The following SYT10 variants were observed in gnomAD, a reference collection of about 807,000 sequenced individuals.
The protein encoded by SYT10 is synaptotagmin 10, also known as synaptotagmin-10.
In SYT10, 31 loss-of-function variants were observed where a neutral mutation model predicts 51.1. The observed-to-expected ratio is 0.61, with a 90% confidence interval of 0.46 to 0.82. The LOEUF (loss-of-function observed/expected upper bound fraction) is 0.82. SYT10 is among the 40% of genes least tolerant of loss of function. The pLI is 0.00. For synonymous variants in SYT10, 233 were observed against 225.9 expected, an observed-to-expected ratio of 1.03 and a Z score of -0.28; for missense variants, 603 against 634.0, an observed-to-expected ratio of 0.95 and a Z score of 0.53.
Position 33,439,606 on chromosome 12 carries a change from T to G in SYT10, c.-84A>C. 2.2e-4 allele frequency: 314 copies of G among 1,395,744 alleles called. No individual in the cohort carries two copies. The highest frequency in any genetic ancestry group is 2.8e-4 in the Non-Finnish European group (281 of 1,018,770). 86.5% of individuals were successfully genotyped at this position (1,395,744 alleles called of 1,614,324 possible). On this transcript the variant is annotated 5_prime_UTR_variant, in exon 1 of 7. The change abolishes the stop of an existing upstream ORF in the 5' untranslated region. Transcript: ENST00000228567. ...CGTACCTCTAACCCCTCTGGCGCCC[T>G]AAGCCATAGTCCGCCCGCGGTGACT... is the stretch of plus-strand genomic sequence containing the variant.
rs372026587 is a variant in SYT10, at chr12:33,382,300, C to T, written c.1370+49G>A. The T allele has an allele frequency of 2.0e-5, 29 of 1,430,282 alleles. No individual in the cohort carries two copies. In the South Asian group the frequency reaches 2.8e-4, roughly 14 times the overall value. 88.6% of individuals were successfully genotyped at this position (1,430,282 alleles called of 1,614,324 possible). On this transcript the variant is annotated intron_variant, in intron 5 of 6. Transcript: ENST00000228567. ...GACCTGAAAAGCTGAGTTTGGCCTG[C>T]GCATGACTAGACATGGCTGCTCTTC...
At chr12:33,409,499 G>A (rs1866387317) in intron 2 of SYT10, among the ~76,000 whole-genome samples, 1 of 150,222 alleles carries the variant, frequency 6.7e-6, no homozygotes, top group Non-Finnish European at 1.5e-5. Context: ...TTACAGGCGT[G>A]AGAACATTGA....
chr12:33,376,792 T>A lies in SYT10; in HGVS notation c.*38A>T. On this transcript the variant is annotated 3_prime_UTR_variant, in exon 7 of 7. Coordinates refer to ENST00000228567, the MANE Select transcript of SYT10 (RefSeq NM_198992.4). ...TTTTTCTGATTCAATGAGCACGTGA[T>A]CCTAGATGCTTAATATCATGGTCTC... 6.2e-7 allele frequency: 1 copy of A among 1,611,426 alleles called. No individual in the cohort carries two copies. The highest frequency in any genetic ancestry group is 8.5e-7 in the Non-Finnish European group (1 of 1,177,622).
intron 1 of SYT10, among the ~76,000 whole-genome samples, chr12:33,428,096 T>C (rs1246170324): frequency 6.6e-6 from 1 of 152,112 alleles, no homozygotes; most frequent in Non-Finnish European, 1.5e-5. Flanking sequence ...GTTGCTGAAA[T>C]GGGAAAGAAA....
intron 2 of SYT10, among the ~76,000 whole-genome samples, chr12:33,424,521 A>G (rs1326612819): frequency 6.6e-6 from 1 of 152,108 alleles, no homozygotes. Context: ...CTTCGTGGCT[A>G]TAAGATATCA....
At chr12:33,377,066 C>CA (rs1479066905) in intron 6 of SYT10, among the ~76,000 whole-genome samples, 165 bp from the exon 7 acceptor site, 1 of 152,132 alleles carries the variant, frequency 6.6e-6, no homozygotes, top group Non-Finnish European at 1.5e-5. Flanking sequence ...TCTCTGCTAC[C>CA]ATGAAGGGAC....
At position 33,376,391 on chromosome 12, in the gene SYT10, T is replaced by C. The variant is rs2138376291; in HGVS notation, c.*439A>G. On this transcript the variant is annotated 3_prime_UTR_variant, in exon 7 of 7. Transcript: ENST00000228567. ...TGTTGTGTAAGTTAAGTTCAAAATC[T>C]CCTTTTAAGTTTATACAGAACCACC... 1 of 155,220 alleles carries C rather than the reference T, an allele frequency of 6.4e-6. No individual in the cohort carries two copies. The highest frequency in any genetic ancestry group is 1.4e-5 in the Non-Finnish European group (1 of 69,862). 9.6% of individuals were successfully genotyped at this position (155,220 alleles called of 1,614,324 possible).
At chr12:33,409,541 T>A (rs1427537131) in intron 2 of SYT10, among the ~76,000 whole-genome samples, 2 of 148,926 alleles carry the variant, frequency 1.3e-5, no homozygotes, top group Admixed American at 1.3e-4. Context: ...TGAGACGGAG[T>A]CTCACTCTGC....
intron 2 of SYT10, among the ~76,000 whole-genome samples, chr12:33,409,736 C>T (rs1257745176): frequency 2.6e-5 from 4 of 152,018 alleles, no homozygotes; most frequent in Non-Finnish European, 5.9e-5. Context: ...AGGATGGTCT[C>T]GATCTCCTGA....
rs1368564637 is a variant in SYT10, at chr12:33,439,469, G to A, written c.54C>T (p.His18=). 1.9e-6 allele frequency: 3 copies of A among 1,614,238 alleles called. No individual in the cohort carries two copies. Residue 18 remains histidine, a synonymous_variant, in exon 1 of 7, where the codon CAC becomes CAT. Transcript: ENST00000228567. ...GVNSLCQKAL[H]IVTELCFAGQ... is the part of the protein sequence containing the mutation. ...CGGCGAAGCACAGCTCGGTGACGAT[G>A]TGCAGAGCCTTCTGGCACAGACTGT... is the stretch of plus-strand genomic sequence containing the variant.
rs367918971 is a variant in SYT10, at chr12:33,439,449, A to C, written c.74T>G (p.Phe25Cys). ...KALHIVTELC[F>C]AGQVEWEKCS... ...CTTCTCCCACTCCACCTGGCCGGCGAAGCACAGCTCGGTGACGATGTGCAG... is the reference window on the plus strand; with the variant it reads ...CTTCTCCCACTCCACCTGGCCGGCGCAGCACAGCTCGGTGACGATGTGCAG... Residue 25 changes from phenylalanine to cysteine, a missense_variant, in exon 1 of 7, where the codon TTC becomes TGC. By Grantham distance (205) the Phe-to-Cys change is radical. Transcript: ENST00000228567. 65 of 1,614,128 alleles carry C rather than the reference A, an allele frequency of 4.0e-5. No homozygotes were observed. The African/African-American group carries it at 7.2e-4, about 18-fold the overall frequency.
At chr12:33,426,096 ACAC>A in intron 2 of SYT10, 39 bp downstream of exon 2, 1 of 1,503,870 alleles carries the variant, frequency 6.6e-7, no homozygotes, top group Non-Finnish European at 8.9e-7. Flanking sequence ...ACACACACAC[ACAC>A]GCACACACAC....
intron 4 of SYT10, among the ~76,000 whole-genome samples, chr12:33,383,848 G>T (rs923056117): frequency 2.0e-5 from 3 of 152,182 alleles, no homozygotes; most frequent in Non-Finnish European, 4.4e-5. Flanking sequence ...TAAATAAAAT[G>T]TAATCTTGCA....
At chr12:33,380,026 C>T (rs756894108) in intron 5 of SYT10, 65 bp from the exon 6 acceptor site, 12 of 1,501,420 alleles carry the variant, frequency 8.0e-6, no homozygotes, top group Admixed American at 2.0e-5. Flanking sequence ...TTTCACAAAT[C>T]GTAGTAGAAT....
rs191817174 is a variant in SYT10 at position 33,392,218 on chromosome 12, G to A, written c.1078-6927C>T. ...GCACACTAAAATTTCAGAATCAAAT[G>A]TATCCCTAAGGTCTGTAAATTGCTC... On this transcript the variant is annotated intron_variant, in intron 3 of 6. Transcript: ENST00000228567. 1.2e-3 allele frequency among the ~76,000 whole-genome samples: 189 copies of A among 152,232 alleles called. No individual in the cohort carries two copies. In the East Asian group the frequency reaches 0.017, roughly 14 times the overall value.
At chr12:33,426,534 G>A (rs1255984594) in intron 1 of SYT10, 39 bp from the exon 2 acceptor site, 2 of 1,431,386 alleles carry the variant, frequency 1.4e-6, no homozygotes, top group South Asian at 3.0e-5. Flanking sequence ...AATTAATATT[G>A]TACATAAAAA....
intron 4 of SYT10, 79 bp downstream of exon 4, chr12:33,385,092 T>G: frequency 6.6e-7 from 1 of 1,523,012 alleles, no homozygotes; most frequent in Non-Finnish European, 8.9e-7. Context: ...AATAATTCAG[T>G]AGTCATGTAT....
At chr12:33,417,221 G>C (rs1224138896) in intron 2 of SYT10, among the ~76,000 whole-genome samples, 1 of 152,030 alleles carries the variant, frequency 6.6e-6, no homozygotes, top group Non-Finnish European at 1.5e-5. Flanking sequence ...ATATGACTAG[G>C]GCATAAGGGC....
Position 33,387,747 on chromosome 12 carries a change from G to GT in SYT10, c.1078-2457dup, listed in dbSNP as rs34524429. The stretch of plus-strand genomic sequence containing the variant: ...AACACCCTTCTCTTCCTTCTAACAT[G>GT]TTTTTTTTTTTTTTTTTTGAGACAG... On this transcript the variant is annotated intron_variant, in intron 3 of 6. Coordinates refer to ENST00000228567, the MANE Select transcript of SYT10 (RefSeq NM_198992.4). Among the ~76,000 whole-genome samples the GT allele has an allele frequency of 3.9e-3, 477 of 122,658 alleles. 3 individuals are homozygous for GT. The highest frequency in any genetic ancestry group is 9.0e-3 in the Middle Eastern group (2 of 222). The allele number at this position is 122,658 out of a possible 152,430, so 80.5% of individuals were successfully genotyped here. A position where few individuals can be genotyped will look rare whatever the true frequency, so the allele number is the denominator to read the frequency against.
Sources: gnomAD v4.1 joint callset for allele counts (sites outside exome capture counted in the v4.1 genomes callset) on GRCh38, gnomAD v4.1.1 for gene constraint, MANE v1.5 for transcripts, NCBI Gene and HGNC (gene_info 2026-07-23, HGNC 2026-07-21) for gene names.